Variants in FBXL20 observed in about 807,000 individuals in gnomAD.
FBXL20 encodes the protein F-box/LRR-repeat protein 20.
In FBXL20, 11 loss-of-function variants were observed where a neutral mutation model predicts 64.0. That is an observed-to-expected ratio of 0.17 (90% confidence interval 0.11 to 0.28). The LOEUF is 0.28. Ranked by LOEUF, FBXL20 falls within the 10% of genes least tolerant of loss-of-function variation. FBXL20 has a pLI of 1.00. For synonymous variants in FBXL20, 184 were observed against 189.0 expected, an observed-to-expected ratio of 0.97 and a Z score of 0.22; for missense variants, 303 against 526.2, an observed-to-expected ratio of 0.58 and a Z score of 4.15.
At chr17:39,342,973 T>C (rs942732802) in intron 2 of FBXL20, among the ~76,000 whole-genome samples, 8 of 152,090 alleles carry the variant, frequency 5.3e-5, no homozygotes, top group East Asian at 3.8e-4. Flanking sequence ...TAAGTACAAG[T>C]TGGAATGGAA....
At chr17:39,310,265 C>T (rs1389305461) in intron 2 of FBXL20, among the ~76,000 whole-genome samples, 1 of 151,928 alleles carries the variant, frequency 6.6e-6, no homozygotes, top group African/African-American at 2.4e-5. Flanking sequence ...CTGGAGTCTG[C>T]ATAGAACCAG....
At chr17:39,395,148 G>A (rs573256013) in intron 1 of FBXL20, among the ~76,000 whole-genome samples, 2 of 152,124 alleles carry the variant, frequency 1.3e-5, no homozygotes, top group Non-Finnish European at 2.9e-5. Flanking sequence ...TTCTAGGCCG[G>A]GCGTGGTGGC....
intron 6 of FBXL20, among the ~76,000 whole-genome samples, chr17:39,291,040 C>A (rs1307839251): frequency 6.6e-6 from 1 of 151,794 alleles, no homozygotes; most frequent in African/African-American, 2.4e-5. Context: ...CGGCTCACTG[C>A]AAGCTCCGCC....
intron 1 of FBXL20, among the ~76,000 whole-genome samples, chr17:39,345,308 G>C (rs978355671): frequency 6.6e-6 from 1 of 152,114 alleles, no homozygotes; most frequent in Non-Finnish European, 1.5e-5. Context: ...AGATGTAAGA[G>C]AGAACAAAGA....
At chr17:39,288,293 T>G (rs556296446) in intron 6 of FBXL20, among the ~76,000 whole-genome samples, 1 of 152,150 alleles carries the variant, frequency 6.6e-6, no homozygotes, top group African/African-American at 2.4e-5. Flanking sequence ...TTATGCTTAT[T>G]TGCCATTCCT....
chr17:39,328,652 G>A (rs182343436), intron 2 of FBXL20, among the ~76,000 whole-genome samples: 5 of 152,292 alleles, frequency 3.3e-5, no homozygotes, highest in African/African-American at 7.2e-5. Context: ...AAATGTGGAA[G>A]TAACGGTAAA....
intron 1 of FBXL20, among the ~76,000 whole-genome samples, chr17:39,370,557 C>T (rs2047906958): frequency 6.7e-6 from 1 of 150,334 alleles, no homozygotes; most frequent in Non-Finnish European, 1.5e-5. Flanking sequence ...GAGGCCGAGG[C>T]GGGCGGATCA....
Position 39,344,303 on chromosome 17 carries a change from A to G in FBXL20, c.43-1062T>C, listed in dbSNP as rs1442960345. On this transcript the variant is annotated intron_variant, in intron 1 of 14. Coordinates refer to ENST00000264658, the MANE Select transcript of FBXL20 (RefSeq NM_032875.3). ...GAAGTGGAGGTTGCAGTGAGCTGAG[A>G]TCACACCACTGCACTCCAGCCTCAG... 2.6e-5 allele frequency among the ~76,000 whole-genome samples: 4 copies of G among 151,250 alleles called. No homozygotes were observed. The East Asian group carries it at 7.8e-4, about 30-fold the overall frequency.
In FBXL20 at chr17:39,287,169, C is replaced by T. The variant is rs1332417169; in HGVS notation, c.399-1596G>A. 4.6e-5 allele frequency among the ~76,000 whole-genome samples: 7 copies of T among 152,198 alleles called. No homozygotes were observed. The East Asian group carries it at 1.4e-3, about 29-fold the overall frequency. On this transcript the variant is annotated intron_variant, in intron 6 of 14. Coordinates refer to ENST00000264658, the MANE Select transcript of FBXL20 (RefSeq NM_032875.3). ...CTTGTGATCTGCCCGCCTCGGCCTC[C>T]CAAAGTGCTGAAATTACAGGCATGA...
chr17:39,304,989 T>C (rs1457092982), intron 2 of FBXL20, among the ~76,000 whole-genome samples: 1 of 152,108 alleles, frequency 6.6e-6, no homozygotes, highest in Non-Finnish European at 1.5e-5. Flanking sequence ...ACTCCTGATG[T>C]CAGGTTATCC....
chr17:39,274,486 C>G (rs1462334288), intron 10 of FBXL20, among the ~76,000 whole-genome samples: 2 of 152,132 alleles, frequency 1.3e-5, no homozygotes, highest in East Asian at 3.8e-4. Flanking sequence ...GTAAAAAACA[C>G]AGCATTCTTC....
chr17:39,360,561 G>A (rs958928988), intron 1 of FBXL20, among the ~76,000 whole-genome samples: 4 of 152,154 alleles, frequency 2.6e-5, no homozygotes, highest in Non-Finnish European at 5.9e-5. Flanking sequence ...GGTTAGGAGC[G>A]GGACAAAAAT....
chr17:39,379,032 A>T (rs1384802822), intron 1 of FBXL20, among the ~76,000 whole-genome samples: 3 of 150,392 alleles, frequency 2.0e-5, no homozygotes, highest in South Asian at 2.1e-4. Context: ...GTTCAAGACC[A>T]GCCTAACCAA....
At chr17:39,398,214 T>A (rs1028451567) in intron 1 of FBXL20, among the ~76,000 whole-genome samples, 1 of 151,572 alleles carries the variant, frequency 6.6e-6, no homozygotes, top group African/African-American at 2.4e-5. Flanking sequence ...ACCTGGGAAG[T>A]GGTTGCAGTG....
intron 1 of FBXL20, among the ~76,000 whole-genome samples, chr17:39,360,320 G>T (rs1163295458): frequency 1.3e-5 from 2 of 152,122 alleles, no homozygotes; most frequent in Non-Finnish European, 1.5e-5. Context: ...GGTGGTGACA[G>T]GTTTCATAAC....
chr17:39,361,983 T>TAAA (rs35807323), intron 1 of FBXL20, among the ~76,000 whole-genome samples: 2 of 130,832 alleles, frequency 1.5e-5, no homozygotes, highest in African/African-American at 2.7e-5. Context: ...TTTGGAGCAC[T>TAAA]AAAAAAAAAA....
At chr17:39,319,216 T>C (rs1251869856) in intron 2 of FBXL20, among the ~76,000 whole-genome samples, 1 of 151,288 alleles carries the variant, frequency 6.6e-6, no homozygotes, top group Non-Finnish European at 1.5e-5. Flanking sequence ...ATCACTGCAC[T>C]CCAGCCTGGC....
chr17:39,399,419 T>G (rs1253970318), intron 1 of FBXL20, among the ~76,000 whole-genome samples: 1 of 152,354 alleles, frequency 6.6e-6, no homozygotes. Context: ...AATTACTAAT[T>G]GTCTCAGTCC....
At chr17:39,333,151 CTCCCTCT>C (rs762357625) in intron 2 of FBXL20, among the ~76,000 whole-genome samples, 4 of 151,770 alleles carry the variant, frequency 2.6e-5, no homozygotes, top group Non-Finnish European at 4.4e-5. Flanking sequence ...CCTCTCCCTC[CTCCCTCT>C]CCGTCTCCCT....
Sources: allele counts gnomAD v4.1 joint callset (sites outside exome capture counted in the v4.1 genomes callset), GRCh38; gene constraint gnomAD v4.1.1; transcripts MANE v1.5; gene names NCBI Gene and HGNC (gene_info 2026-07-23, HGNC 2026-07-21).